GFRA2: variants seen among roughly 807,000 people sequenced by gnomAD.
The protein encoded by GFRA2 is GDNF family receptor alpha-2.
In GFRA2, 17 loss-of-function variants were observed where a neutral mutation model predicts 48.3. The observed-to-expected ratio is 0.35, with a 90% CI of 0.24 to 0.53. GFRA2 has a LOEUF of 0.53. GFRA2 is among the 20% of genes least tolerant of loss of function. The pLI, the probability that GFRA2 is intolerant of heterozygous loss-of-function variation, is 0.93. For missense variants in GFRA2, 660 were observed against 637.3 expected (o/e 1.04, Z -0.38); for synonymous variants, 305 against 257.2 (o/e 1.19, Z -1.78).
chr8:21,788,832 T>C lies in GFRA2; in HGVS notation c.-673A>G. On this transcript the variant is annotated 5_prime_UTR_variant, in exon 1 of 9. Transcript: ENST00000524240. The stretch of plus-strand genomic sequence containing the variant: ...TCTTTCTCTCTCCTCTCTCTCTCTC[T>C]CCTCTCCCTCGCTCGCTCTTTGCTC... 2.1e-6 allele frequency: 2 copies of C among 959,522 alleles called. No individual in the cohort carries two copies. The highest frequency in any genetic ancestry group is 2.5e-6 in the Non-Finnish European group (2 of 806,290). The allele number at this position is 959,522 out of a possible 1,614,324, so 59.4% of individuals were successfully genotyped here. A position where few individuals can be genotyped will look rare whatever the true frequency, so the allele number is the denominator to read the frequency against.
intron 7 of GFRA2, 63 bp from the exon 8 acceptor site, chr8:21,694,580 A>G: frequency 6.6e-7 from 1 of 1,510,120 alleles, no homozygotes; most frequent in Non-Finnish European, 9.1e-7. Context: ...GGCTTTGTCC[A>G]GAGACTTAGA....
intron 3 of GFRA2, among the ~76,000 whole-genome samples, chr8:21,771,354 T>C (rs1292756943): frequency 6.6e-6 from 1 of 152,156 alleles, no homozygotes; most frequent in Non-Finnish European, 1.5e-5. Context: ...TTCCTCTCCA[T>C]GAAATCTCTT....
At chr8:21,727,414 C>T (rs955710385) in intron 4 of GFRA2, among the ~76,000 whole-genome samples, 1 of 152,150 alleles carries the variant, frequency 6.6e-6, no homozygotes, top group East Asian at 1.9e-4. Flanking sequence ...AGGCCTTGGG[C>T]CCTGTGTGAC....
At chr8:21,729,776 G>T (rs966048987) in intron 4 of GFRA2, among the ~76,000 whole-genome samples, 2 of 152,106 alleles carry the variant, frequency 1.3e-5, no homozygotes. Context: ...CCCCCAAAGG[G>T]CTTCTCAGAG....
chr8:21,778,231 C>A (rs1310803957), intron 2 of GFRA2, among the ~76,000 whole-genome samples: 1 of 152,132 alleles, frequency 6.6e-6, no homozygotes, highest in Non-Finnish European at 1.5e-5. Context: ...GAAGGACTCG[C>A]AGCCTCCCTC....
chr8:21,694,133 G>A (rs901552535), intron 8 of GFRA2, among the ~76,000 whole-genome samples: 1 of 143,770 alleles, frequency 7.0e-6, no homozygotes, highest in South Asian at 2.3e-4. Context: ...AACTGTGTCT[G>A]TTTCCACTTC....
chr8:21,792,433 G>A (rs1807589030), upstream of GFRA2, among the ~76,000 whole-genome samples: 1 of 152,214 alleles, frequency 6.6e-6, no homozygotes, highest in South Asian at 2.1e-4. Flanking sequence ...GACAGAGCCT[G>A]ATCCAGGGCA....
intron 4 of GFRA2, among the ~76,000 whole-genome samples, chr8:21,729,334 T>A (rs574137678): frequency 1.4e-4 from 22 of 152,164 alleles, no homozygotes; most frequent in Admixed American, 2.0e-4. Flanking sequence ...TGTCTCTATA[T>A]AAATTTTCTT....
intron 2 of GFRA2, among the ~76,000 whole-genome samples, chr8:21,796,505 G>A (rs1160124615): frequency 1.3e-5 from 2 of 152,244 alleles, no homozygotes; most frequent in African/African-American, 4.8e-5. Context: ...AGGTCCGACT[G>A]CAGGACCCAG....
At chr8:21,701,910 A>C (rs2117352245) in intron 7 of GFRA2, among the ~76,000 whole-genome samples, 1 of 152,274 alleles carries the variant, frequency 6.6e-6, no homozygotes, top group South Asian at 2.1e-4. Context: ...TATGACCACA[A>C]GGAACCACAG....
intron 4 of GFRA2, among the ~76,000 whole-genome samples, chr8:21,724,839 A>G (rs900614071): frequency 6.6e-6 from 1 of 152,166 alleles, no homozygotes; most frequent in African/African-American, 2.4e-5. Flanking sequence ...AGCACAGGGA[A>G]TGGCATCATA....
intron 1 of GFRA2, among the ~76,000 whole-genome samples, chr8:21,809,814 GGCACCAGGGATGGGAGAGTTCTTTA>G (rs1302465503): frequency 4.6e-5 from 7 of 152,138 alleles, no homozygotes; most frequent in Non-Finnish European, 1.0e-4. Context: ...GAAGCCCAAT[GGCACCAGGGATGGGAGAGTTCTTTA>G]GCTATAGAAC....
At chr8:21,766,388 AG>A (rs1806152248) in intron 3 of GFRA2, among the ~76,000 whole-genome samples, 1 of 152,050 alleles carries the variant, frequency 6.6e-6, no homozygotes, top group South Asian at 2.1e-4. Context: ...CCATACGAGC[AG>A]CACCCGCCCA....
chr8:21,769,124 G>C (rs1806318940), intron 3 of GFRA2: 1 of 965,038 alleles, frequency 1.0e-6, no homozygotes, highest in Non-Finnish European at 1.2e-6. Flanking sequence ...TCTACCTGTT[G>C]CACCACACAG....
chr8:21,696,713 G>A (rs1802194563), intron 7 of GFRA2, among the ~76,000 whole-genome samples: 1 of 152,168 alleles, frequency 6.6e-6, no homozygotes, highest in African/African-American at 2.4e-5. Flanking sequence ...TTTGCTCCTC[G>A]GAGTGAGCAG....
chr8:21,742,574 A>C (rs1804801071), intron 4 of GFRA2, among the ~76,000 whole-genome samples: 1 of 152,232 alleles, frequency 6.6e-6, no homozygotes, highest in African/African-American at 2.4e-5. Flanking sequence ...GAGACAGTCC[A>C]TGCCAGTGAG....
intron 3 of GFRA2, among the ~76,000 whole-genome samples, chr8:21,769,634 G>A (rs980068257): frequency 2.0e-5 from 3 of 151,812 alleles, no homozygotes; most frequent in Admixed American, 1.3e-4. Context: ...CAGGATCCTC[G>A]GGGGCCATGT....
intron 1 of GFRA2, among the ~76,000 whole-genome samples, chr8:21,786,635 G>T (rs984164791): frequency 2.0e-5 from 3 of 152,142 alleles, no homozygotes; most frequent in South Asian, 2.1e-4. Flanking sequence ...GAGAGAAGCT[G>T]CCTCTGGCTG....
In GFRA2 at chr8:21,800,925, C is replaced by CAA. The variant is rs34924711; in HGVS notation, c.-36+4090_-36+4091dup. Among the ~76,000 whole-genome samples the CAA allele has an allele frequency of 2.4e-3, 274 of 112,576 alleles. 1 individual carries two copies. Among genetic ancestry groups the CAA allele is most frequent in the African/African-American group, 8.1e-3 (245 of 30,088 alleles). The allele number at this position is 112,576 out of a possible 152,430, so 73.9% of individuals were successfully genotyped here. A position where few individuals can be genotyped will look rare whatever the true frequency, so the allele number is the denominator to read the frequency against. ...TGGGTCACAGAGTGAGACCTGGTGT[C>CAA]AAAAAAAAAAAAAAAAAAGAAGTCC... On this transcript the variant is annotated intron_variant, in intron 2 of 10. Coordinates refer to the GFRA2 transcript ENST00000517328.
Sources: allele counts gnomAD v4.1 joint callset (sites outside exome capture counted in the v4.1 genomes callset), GRCh38; gene constraint gnomAD v4.1.1; transcripts MANE v1.5; gene names NCBI Gene and HGNC (gene_info 2026-07-23, HGNC 2026-07-21).